Variants in MCTP1 observed in about 807,000 individuals in gnomAD.
MCTP1 encodes multiple C2 and transmembrane domain-containing protein 1.
A neutral mutation model predicts 120.6 loss-of-function variants in MCTP1; 69 were observed. The observed-to-expected ratio is 0.57, with a 90% CI of 0.47 to 0.70. The LOEUF (loss-of-function observed/expected upper bound fraction) is 0.70, where lower values mean the gene tolerates loss of function less well. Among genes scored for constraint, MCTP1 ranks in the 30% least tolerant of loss-of-function variants. The pLI, the probability that MCTP1 is intolerant of heterozygous loss-of-function variation, is 0.00. For synonymous variants in MCTP1, 529 were observed against 493.1 expected (o/e 1.07, Z -0.96); for missense variants, 1,203 against 1,248.8 (o/e 0.96, Z 0.55).
chr5:95,030,149 G>A (rs928381133), intron 1 of MCTP1, among the ~76,000 whole-genome samples: 6 of 152,262 alleles, frequency 3.9e-5, no homozygotes, highest in Middle Eastern at 3.4e-3. Context: ...TTTGTGAACC[G>A]GAAGTCATGA....
intron 1 of MCTP1, among the ~76,000 whole-genome samples, chr5:95,211,402 CT>C (rs1489488290): frequency 6.6e-6 from 1 of 152,076 alleles, no homozygotes; most frequent in Admixed American, 6.6e-5. Flanking sequence ...CTAAACTTCC[CT>C]TCTCGCTTCA....
chr5:94,775,969 A>T (rs1775220208), intron 19 of MCTP1, among the ~76,000 whole-genome samples: 2 of 147,490 alleles, frequency 1.4e-5, no homozygotes, highest in African/African-American at 2.5e-5. Flanking sequence ...TTTATATTAT[A>T]TATATATATA....
chr5:95,257,900 C>G (rs1011553427), intron 1 of MCTP1, among the ~76,000 whole-genome samples: 2 of 151,654 alleles, frequency 1.3e-5, no homozygotes, highest in African/African-American at 4.9e-5. Flanking sequence ...CCAGAACAAT[C>G]TGAGCAAAGA....
intron 5 of MCTP1, among the ~76,000 whole-genome samples, chr5:94,938,390 C>A (rs1425184266): frequency 6.6e-6 from 1 of 151,948 alleles, no homozygotes; most frequent in African/African-American, 2.4e-5. Context: ...TTTTTTAATT[C>A]TTGAAATGCA....
rs540417158 is a variant in MCTP1 at position 94,949,374 on chromosome 5, A to T, written c.981+3845T>A. On this transcript the variant is annotated intron_variant, in intron 3 of 22. Coordinates refer to ENST00000515393, the MANE Select transcript of MCTP1 (RefSeq NM_024717.7). Reference sequence around the variant, plus strand: ...CTCCTGTCTCAACTAAAAGCACTGCATTTTAACTCCCAGTTTCTATTCTTA... The same window carrying T: ...CTCCTGTCTCAACTAAAAGCACTGCTTTTTAACTCCCAGTTTCTATTCTTA... 2.6e-5 allele frequency among the ~76,000 whole-genome samples: 4 copies of T among 152,260 alleles called. No homozygotes were observed. In the East Asian group the frequency reaches 7.7e-4, roughly 29 times the overall value.
chr5:95,145,610 T>C (rs1288974235), intron 1 of MCTP1, among the ~76,000 whole-genome samples: 1 of 152,098 alleles, frequency 6.6e-6, no homozygotes, highest in African/African-American at 2.4e-5. Context: ...TGAAGGGATA[T>C]CAGATTTCAT....
At chr5:94,812,728 T>C (rs1242940528) in intron 17 of MCTP1, among the ~76,000 whole-genome samples, 1 of 150,480 alleles carries the variant, frequency 6.6e-6, no homozygotes, top group African/African-American at 2.5e-5. Context: ...AGCCTGTGAA[T>C]AGCCATAGCA....
At chr5:95,002,933 A>T (rs148025749) in intron 2 of MCTP1, among the ~76,000 whole-genome samples, 1 of 152,286 alleles carries the variant, frequency 6.6e-6, no homozygotes, top group Non-Finnish European at 1.5e-5. Flanking sequence ...CATAATCCCC[A>T]CATGTCATGG....
intron 1 of MCTP1, among the ~76,000 whole-genome samples, chr5:95,128,321 A>T (rs1758784503): frequency 6.6e-6 from 1 of 152,226 alleles, no homozygotes. Context: ...TGACCGAGCA[A>T]TTATATGTGC....
chr5:95,095,780 C>T (rs776128805), intron 1 of MCTP1, among the ~76,000 whole-genome samples: 21 of 152,114 alleles, frequency 1.4e-4, no homozygotes, highest in Admixed American at 1.3e-4. Flanking sequence ...ATGCCTGAAG[C>T]AGACTGAAGT....
intron 18 of MCTP1, chr5:94,792,192 G>A: frequency 6.5e-6 from 1 of 153,188 alleles, no homozygotes; most frequent in Non-Finnish European, 1.5e-5. Context: ...GTGCTCACGT[G>A]ACTTCCAGGC....
At chr5:95,045,680 A>C (rs2151945100) in intron 1 of MCTP1, among the ~76,000 whole-genome samples, 1 of 152,316 alleles carries the variant, frequency 6.6e-6, no homozygotes, top group African/African-American at 2.4e-5. Context: ...GTCAAAAGCT[A>C]TGGTGACCTT....
intron 19 of MCTP1, among the ~76,000 whole-genome samples, chr5:94,723,870 T>C (rs1386033287): frequency 2.1e-5 from 3 of 139,988 alleles, no homozygotes; most frequent in Non-Finnish European, 4.7e-5. Flanking sequence ...AAGGAAAGAA[T>C]GGAAAAAAAA....
chr5:95,103,505 C>A (rs764318525), intron 1 of MCTP1, among the ~76,000 whole-genome samples: 26 of 152,048 alleles, frequency 1.7e-4, no homozygotes, highest in Non-Finnish European at 3.2e-4. Context: ...CATAAAGGAC[C>A]TCATATATAA....
chr5:94,971,199 C>T (rs1246021969), intron 2 of MCTP1, among the ~76,000 whole-genome samples: 2 of 152,012 alleles, frequency 1.3e-5, no homozygotes, highest in Non-Finnish European at 2.9e-5. Context: ...TAAGACCTCT[C>T]TTGCATGTCT....
At chr5:94,999,919 A>T (rs891672740) in intron 2 of MCTP1, among the ~76,000 whole-genome samples, 4 of 152,198 alleles carry the variant, frequency 2.6e-5, no homozygotes, top group African/African-American at 9.6e-5. Flanking sequence ...CTTTGCTCTG[A>T]TTCAGAATAA....
intron 1 of MCTP1, among the ~76,000 whole-genome samples, chr5:95,170,798 A>C (rs553187133): frequency 6.6e-6 from 1 of 152,030 alleles, no homozygotes; most frequent in East Asian, 1.9e-4. Context: ...TTGAGCCTAT[A>C]TGTGTCTCTG....
intron 2 of MCTP1, among the ~76,000 whole-genome samples, chr5:94,968,230 G>T (rs1826030661): frequency 6.6e-6 from 1 of 152,056 alleles, no homozygotes; most frequent in Non-Finnish European, 1.5e-5. Context: ...GAGTTATATG[G>T]TCAAGTATAT....
chr5:95,228,904 T>C (rs1754607111), intron 1 of MCTP1, among the ~76,000 whole-genome samples: 1 of 152,182 alleles, frequency 6.6e-6, no homozygotes, highest in Admixed American at 6.5e-5. Context: ...GCCGAGCAGA[T>C]GCCAGCCTCA....
Sources: gnomAD v4.1 joint callset for allele counts (sites outside exome capture counted in the v4.1 genomes callset) on GRCh38, gnomAD v4.1.1 for gene constraint, MANE v1.5 for transcripts, NCBI Gene and HGNC (gene_info 2026-07-23, HGNC 2026-07-21) for gene names.